RNF24: variants seen among roughly 807,000 people sequenced by gnomAD.
RNF24 encodes the protein ring finger protein 24.
Under a neutral mutation model 20.0 loss-of-function variants are expected in RNF24, and 14 were observed. The ratio of observed to expected loss-of-function variants is 0.70; its 90% CI spans 0.46 to 1.10. RNF24 has a LOEUF of 1.10. RNF24 is among the 50% of genes least tolerant of loss of function. The pLI, the probability that RNF24 is intolerant of heterozygous loss-of-function variation, is 0.00. For synonymous variants in RNF24, 45 were observed against 61.1 expected (o/e 0.74, Z 1.23); for missense variants, 124 against 177.6 (o/e 0.70, Z 1.71).
chr20:3,998,312 C>T (rs1024429617), intron 1 of RNF24, among the ~76,000 whole-genome samples: 3 of 151,568 alleles, frequency 2.0e-5, no homozygotes, highest in African/African-American at 4.8e-5. Context: ...TTGTGGCTCA[C>T]GCCTGTAATC....
intron 1 of RNF24, among the ~76,000 whole-genome samples, chr20:3,969,476 T>C (rs1351999279): frequency 2.0e-5 from 3 of 151,510 alleles, no homozygotes; most frequent in South Asian, 2.1e-4. Flanking sequence ...GCTGGCAAAG[T>C]TGGCAAACAA....
At chr20:3,942,558 C>T (rs112250727) in intron 4 of RNF24, among the ~76,000 whole-genome samples, 4,022 of 151,426 alleles carry the variant, frequency 0.027, 66 homozygotes, top group Middle Eastern at 0.055. Context: ...CTGCAAGCTC[C>T]GCCTCCCAGG....
rs371892315 is a variant in RNF24 at position 3,932,600 on chromosome 20, T to G, written c.*1463A>C. Reference sequence around the variant, plus strand: ...TCCTGGAGTCATGCCAAGAGCAGAGTAGCAAAGCTCCCTCCATCCATTCTC... The same window carrying G: ...TCCTGGAGTCATGCCAAGAGCAGAGGAGCAAAGCTCCCTCCATCCATTCTC... On this transcript the variant is annotated 3_prime_UTR_variant, in exon 6 of 6. Coordinates refer to ENST00000358395, the MANE Select transcript of RNF24 (RefSeq NM_001134337.3). 81 of 241,714 alleles carry G rather than the reference T, an allele frequency of 3.4e-4. 2 individuals are homozygous for G. The highest frequency in any genetic ancestry group is 1.8e-3 in the African/African-American group (79 of 45,036). The allele number at this position is 241,714 out of a possible 1,614,324, so 15.0% of individuals were successfully genotyped here.
intron 1 of RNF24, among the ~76,000 whole-genome samples, chr20:3,982,103 G>GTCTCTCTCTCTGTCTCTCTCTCTCTCTC (rs1979446791): frequency 7.3e-6 from 1 of 137,026 alleles, no homozygotes; most frequent in Non-Finnish European, 1.6e-5. Context: ...GTGAGACCTC[G>GTCTCTCTCTCTGTCTCTCTCTCTCTCTC]TCTCTCTCTC....
At chr20:3,951,034 C>T (rs1268177778) in intron 2 of RNF24, among the ~76,000 whole-genome samples, 1 of 152,234 alleles carries the variant, frequency 6.6e-6, no homozygotes. Context: ...CGGCTCACTG[C>T]AAGCTCCGCC....
intron 1 of RNF24, among the ~76,000 whole-genome samples, chr20:4,008,876 A>G (rs1175546059): frequency 6.6e-6 from 1 of 152,134 alleles, no homozygotes; most frequent in Non-Finnish European, 1.5e-5. Context: ...ATACTTATGA[A>G]AGAATGAAAT....
intron 4 of RNF24, among the ~76,000 whole-genome samples, chr20:3,944,615 A>G (rs564140241): frequency 6.6e-6 from 1 of 152,354 alleles, no homozygotes; most frequent in East Asian, 1.9e-4. Flanking sequence ...AAGAATTCTT[A>G]TAGGCTATGT....
At chr20:3,967,973 C>CAAAAAAAAAAAAAAAAAA (rs58984163) in intron 1 of RNF24, among the ~76,000 whole-genome samples, 31 of 77,168 alleles carry the variant, frequency 4.0e-4, no homozygotes, top group Middle Eastern at 9.8e-3. Context: ...AGCCTGGCAA[C>CAAAAAAAAAAAAAAAAAA]AAAAAAAAAA....
chr20:3,995,028 G>A (rs1176864814), intron 1 of RNF24, among the ~76,000 whole-genome samples: 1 of 152,196 alleles, frequency 6.6e-6, no homozygotes, highest in Non-Finnish European at 1.5e-5. Context: ...TCATAGCCAG[G>A]AACTGAGAGC....
chr20:4,008,708 G>A (rs770768238), intron 1 of RNF24, among the ~76,000 whole-genome samples: 55 of 149,534 alleles, frequency 3.7e-4, no homozygotes, highest in Non-Finnish European at 6.5e-4. Flanking sequence ...CACCACACCC[G>A]GCTAATTTGT....
At chr20:4,007,758 GA>G (rs1015662187) in intron 1 of RNF24, among the ~76,000 whole-genome samples, 5 of 129,072 alleles carry the variant, frequency 3.9e-5, no homozygotes, top group Non-Finnish European at 6.8e-5. Flanking sequence ...AAAAAAAAAA[GA>G]AAAAAAATTA....
chr20:3,955,547 T>C (rs1030172038), intron 2 of RNF24, among the ~76,000 whole-genome samples: 15 of 152,324 alleles, frequency 9.8e-5, no homozygotes, highest in African/African-American at 2.4e-4. Flanking sequence ...TTCTGAAGTT[T>C]TGAAATCAGG....
chr20:3,999,653 C>G (rs113316147), intron 1 of RNF24, among the ~76,000 whole-genome samples: 112 of 152,282 alleles, frequency 7.4e-4, no homozygotes, highest in African/African-American at 2.6e-3. Context: ...ACTCAGGAGG[C>G]TGAGGCAGGA....
At chr20:3,957,480 T>C (rs1251201380) in intron 2 of RNF24, among the ~76,000 whole-genome samples, 1 of 149,730 alleles carries the variant, frequency 6.7e-6, no homozygotes, top group Non-Finnish European at 1.5e-5. Context: ...ATAATAATAA[T>C]AAAAATAAAA....
chr20:4,003,306 C>A (rs544574033), intron 1 of RNF24, among the ~76,000 whole-genome samples: 1 of 152,170 alleles, frequency 6.6e-6, no homozygotes, highest in South Asian at 2.1e-4. Flanking sequence ...TTCTAAGAAT[C>A]CAGGGCCTCC....
At chr20:3,973,191 G>A (rs1476362087) in intron 1 of RNF24, among the ~76,000 whole-genome samples, 1 of 151,018 alleles carries the variant, frequency 6.6e-6, no homozygotes, top group Non-Finnish European at 1.5e-5. Flanking sequence ...TGACACACGC[G>A]AAACGCCATC....
At position 3,929,464 on chromosome 20, in the gene RNF24, A is replaced by C. The variant is rs1038585383; in HGVS notation, c.*4599T>G. The C allele has an allele frequency of 1.3e-5, 2 of 152,306 alleles. No individual in the cohort carries two copies. Among genetic ancestry groups the C allele is most frequent in the African/African-American group, 4.8e-5 (2 of 41,472 alleles). 9.4% of individuals were successfully genotyped at this position (152,306 alleles called of 1,614,324 possible). ...TGACGCTGGACATTCAGGCATATCC[A>C]CATGAGACTCACTGTGCACTTGCTC... On this transcript the variant is annotated 3_prime_UTR_variant, in exon 6 of 6. Transcript: ENST00000358395.
At chr20:3,994,865 G>A (rs1435215297) in intron 1 of RNF24, among the ~76,000 whole-genome samples, 1 of 152,182 alleles carries the variant, frequency 6.6e-6, no homozygotes, top group Non-Finnish European at 1.5e-5. Flanking sequence ...TGCATAAACT[G>A]CACGTACTAA....
intron 2 of RNF24, among the ~76,000 whole-genome samples, chr20:3,960,331 CA>C (rs1458167845): frequency 2.0e-5 from 3 of 152,182 alleles, no homozygotes; most frequent in Admixed American, 1.3e-4. Context: ...TTAAAGGTAA[CA>C]AATTAGGATC....
Sources: allele counts gnomAD v4.1 joint callset (sites outside exome capture counted in the v4.1 genomes callset), GRCh38; gene constraint gnomAD v4.1.1; transcripts MANE v1.5; gene names NCBI Gene and HGNC (gene_info 2026-07-23, HGNC 2026-07-21).